RAB10: variants seen among roughly 807,000 people sequenced by gnomAD.
RAB10 encodes the protein ras-related protein Rab-10.
A neutral mutation model predicts 25.7 loss-of-function variants in RAB10; 5 were observed. That is an observed-to-expected ratio of 0.19 (90% CI 0.10 to 0.41). The LOEUF (loss-of-function observed/expected upper bound fraction) is 0.41, where lower values mean the gene tolerates loss of function less well. Ranked by LOEUF, RAB10 falls within the 10% of genes least tolerant of loss-of-function variation. The pLI is 1.00. For synonymous variants in RAB10, 89 were observed against 86.4 expected (o/e 1.03, Z -0.16); for missense variants, 103 against 245.8 (o/e 0.42, Z 3.89).
intron 1 of RAB10, among the ~76,000 whole-genome samples, chr2:26,036,636 G>T (rs568152320): frequency 3.3e-5 from 5 of 151,744 alleles, no homozygotes; most frequent in Non-Finnish European, 7.4e-5. Context: ...TCCAGCCTGG[G>T]CAACAAAGCC....
chr2:26,111,202 C>G (rs527712466), intron 3 of RAB10, among the ~76,000 whole-genome samples: 20 of 152,204 alleles, frequency 1.3e-4, no homozygotes, highest in African/African-American at 4.1e-4. Flanking sequence ...AATATTAGAC[C>G]CAAGATAATA....
intron 3 of RAB10, among the ~76,000 whole-genome samples, chr2:26,121,476 AC>A (rs1430900644): frequency 2.0e-5 from 3 of 152,116 alleles, no homozygotes; most frequent in African/African-American, 7.2e-5. Context: ...GTGCCACCAC[AC>A]CCAGCTCTAT....
At chr2:26,063,590 CAT>C (rs2149268052) in intron 1 of RAB10, among the ~76,000 whole-genome samples, 2 of 152,264 alleles carry the variant, frequency 1.3e-5, no homozygotes, top group South Asian at 4.1e-4. Flanking sequence ...TAGTAAATAA[CAT>C]ATACTTTATA....
rs1667049672 is a variant in RAB10, at chr2:26,089,102, C to A, written c.128-9560C>A. Among the ~76,000 whole-genome samples the A allele has an allele frequency of 2.6e-5, 4 of 151,920 alleles. No homozygotes were observed. The East Asian group carries it at 7.7e-4, about 29-fold the overall frequency. On this transcript the variant is annotated intron_variant, in intron 1 of 5. Transcript: ENST00000264710. Reference sequence around the variant, plus strand: ...TAAGACTGGAGAGGTGGCTTGGGGCCATGCTCAGAAATATATTTATTCATA... The same window carrying A: ...TAAGACTGGAGAGGTGGCTTGGGGCAATGCTCAGAAATATATTTATTCATA...
At chr2:26,062,752 G>GT (rs1271110780) in intron 1 of RAB10, among the ~76,000 whole-genome samples, 1 of 151,986 alleles carries the variant, frequency 6.6e-6, no homozygotes, top group Non-Finnish European at 1.5e-5. Flanking sequence ...ACAACAAAAA[G>GT]TTTAAAGAAC....
rs569534762 is a variant in RAB10, at chr2:26,129,700, A to G, written c.519+1749A>G. On this transcript the variant is annotated intron_variant, in intron 5 of 5. Coordinates refer to ENST00000264710, the MANE Select transcript of RAB10 (RefSeq NM_016131.5). ...AACAGTCATCAGTTATTGCTCTTCA[A>G]TGGGACTAAAAAATTGGTGCCCTTT... 3.9e-5 allele frequency among the ~76,000 whole-genome samples: 6 copies of G among 152,328 alleles called. No individual in the cohort carries two copies. The East Asian group carries it at 5.8e-4, about 15-fold the overall frequency.
chr2:26,095,567 A>G (rs1276949852), intron 1 of RAB10, among the ~76,000 whole-genome samples: 3 of 151,704 alleles, frequency 2.0e-5, no homozygotes, highest in South Asian at 2.1e-4. Flanking sequence ...AGATAGCGCA[A>G]TTGCACTCCA....
At chr2:26,043,429 A>G (rs1383727813) in intron 1 of RAB10, among the ~76,000 whole-genome samples, 2 of 152,212 alleles carry the variant, frequency 1.3e-5, no homozygotes, top group Non-Finnish European at 2.9e-5. Flanking sequence ...TCTCAAAACA[A>G]ACAACAACAA....
At chr2:26,086,495 T>C (rs1243992312) in intron 1 of RAB10, among the ~76,000 whole-genome samples, 2 of 152,220 alleles carry the variant, frequency 1.3e-5, no homozygotes, top group Non-Finnish European at 2.9e-5. Context: ...GGAGCCCTTA[T>C]ACGTTGCTCA....
intron 1 of RAB10, among the ~76,000 whole-genome samples, chr2:26,076,679 C>T (rs886157957): frequency 6.6e-6 from 1 of 152,148 alleles, no homozygotes; most frequent in Non-Finnish European, 1.5e-5. Flanking sequence ...CACGGTGGCT[C>T]ACGCCTGTAA....
intron 1 of RAB10, among the ~76,000 whole-genome samples, chr2:26,071,687 T>C (rs1666629486): frequency 2.0e-5 from 1 of 50,314 alleles, no homozygotes; most frequent in Admixed American, 1.8e-4. Context: ...AGACTTCATC[T>C]CAAAAAAAAA....
At chr2:26,085,961 T>C (rs2149275515) in intron 1 of RAB10, among the ~76,000 whole-genome samples, 1 of 125,370 alleles carries the variant, frequency 8.0e-6, no homozygotes, top group Admixed American at 9.9e-5. Flanking sequence ...ATCACACCAT[T>C]GCACTCCAGC....
intron 1 of RAB10, among the ~76,000 whole-genome samples, chr2:26,046,831 G>A (rs1303377082): frequency 1.3e-5 from 2 of 152,272 alleles, no homozygotes; most frequent in African/African-American, 4.8e-5. Flanking sequence ...ATCAAAATTA[G>A]AACAAAGGAC....
intron 1 of RAB10, among the ~76,000 whole-genome samples, chr2:26,067,939 C>A (rs919986387): frequency 6.6e-6 from 1 of 152,206 alleles, no homozygotes; most frequent in African/African-American, 2.4e-5. Flanking sequence ...ACCATACTTG[C>A]AGCAGAATTT....
chr2:26,136,633 A>G lies in RAB10; in HGVS notation c.*1612A>G, dbSNP rs988227514. 6.6e-6 allele frequency: 1 copy of G among 152,654 alleles called. No individual in the cohort carries two copies. Among genetic ancestry groups the G allele is most frequent in the Non-Finnish European group, 1.5e-5 (1 of 68,040 alleles). 9.5% of individuals were successfully genotyped at this position (152,654 alleles called of 1,614,324 possible). On this transcript the variant is annotated 3_prime_UTR_variant, in exon 6 of 6. Coordinates refer to ENST00000264710, the MANE Select transcript of RAB10 (RefSeq NM_016131.5). ...TACCTTTGTTGAAAGAATTGTGAAT[A>G]GCATGATTCATTTCTAGCAGAGGCT... is the stretch of plus-strand genomic sequence containing the variant.
intron 2 of RAB10, chr2:26,101,283 A>C (rs1009760637): frequency 4.6e-5 from 7 of 152,184 alleles, no homozygotes; most frequent in Non-Finnish European, 7.3e-5. Context: ...TCAGAGTCCT[A>C]GTTAATTCAC....
At chr2:26,056,108 C>G (rs1260669855) in intron 1 of RAB10, among the ~76,000 whole-genome samples, 1 of 152,038 alleles carries the variant, frequency 6.6e-6, no homozygotes, top group East Asian at 1.9e-4. Flanking sequence ...CTAGGCTAGT[C>G]TCGAACTCTT....
intron 5 of RAB10, among the ~76,000 whole-genome samples, 184 bp downstream of exon 5, chr2:26,128,135 C>T (rs1394311685): frequency 1.3e-5 from 2 of 152,032 alleles, no homozygotes; most frequent in East Asian, 1.9e-4. Flanking sequence ...TTCCATGGAC[C>T]GTACTGGGGG....
chr2:26,063,591 A>G (rs1053050054), intron 1 of RAB10, among the ~76,000 whole-genome samples: 5 of 152,208 alleles, frequency 3.3e-5, no homozygotes, highest in Admixed American at 6.5e-5. Context: ...AGTAAATAAC[A>G]TATACTTTAT....
Sources: gnomAD v4.1 joint callset for allele counts (sites outside exome capture counted in the v4.1 genomes callset) on GRCh38, gnomAD v4.1.1 for gene constraint, MANE v1.5 for transcripts, NCBI Gene and HGNC (gene_info 2026-07-23, HGNC 2026-07-21) for gene names.